Variants in KIAA1958 observed in about 807,000 individuals in gnomAD.
KIAA1958 encodes KIAA1958.
A neutral mutation model predicts 47.2 loss-of-function variants in KIAA1958; 14 were observed. The observed-to-expected ratio is 0.30, with a 90% confidence interval of 0.20 to 0.46. KIAA1958 has a LOEUF of 0.46. Ranked by LOEUF, KIAA1958 falls within the 20% of genes least tolerant of loss-of-function variation. The pLI, the probability that KIAA1958 is intolerant of heterozygous loss-of-function variation, is 1.00. For missense variants in KIAA1958, 803 were observed against 909.2 expected (o/e 0.88, Z 1.50); for synonymous variants, 354 against 353.3 (o/e 1.00, Z -0.02).
intron 3 of KIAA1958, among the ~76,000 whole-genome samples, chr9:112,648,687 G>C (rs1427498647): frequency 6.6e-6 from 1 of 152,136 alleles, no homozygotes; most frequent in Non-Finnish European, 1.5e-5. Context: ...AAAATGCTTT[G>C]ATCCAAAATG....
chr9:112,607,345 A>AG (rs1195737807), intron 2 of KIAA1958, among the ~76,000 whole-genome samples: 2 of 151,838 alleles, frequency 1.3e-5, no homozygotes, highest in Non-Finnish European at 2.9e-5. Flanking sequence ...AAAAGAAAAA[A>AG]GAAAAAAAAA....
intron 1 of KIAA1958, among the ~76,000 whole-genome samples, chr9:112,497,479 A>G (rs1307738342): frequency 6.6e-6 from 1 of 152,190 alleles, no homozygotes; most frequent in Non-Finnish European, 1.5e-5. Flanking sequence ...AAGCCTGCCA[A>G]CACTTTGATC....
At chr9:112,530,615 ATATTG>A (rs1389622411) in intron 1 of KIAA1958, among the ~76,000 whole-genome samples, 1 of 152,234 alleles carries the variant, frequency 6.6e-6, no homozygotes, top group Non-Finnish European at 1.5e-5. Flanking sequence ...CTCTGAATGA[ATATTG>A]TATTTATGAC....
At chr9:112,648,793 T>G (rs1837015725) in intron 3 of KIAA1958, among the ~76,000 whole-genome samples, 1 of 152,152 alleles carries the variant, frequency 6.6e-6, no homozygotes. Context: ...AATGTAAAAA[T>G]ATCTAGAACA....
chr9:112,598,996 C>T (rs926365506), intron 2 of KIAA1958, among the ~76,000 whole-genome samples: 4 of 152,074 alleles, frequency 2.6e-5, no homozygotes, highest in Non-Finnish European at 4.4e-5. Flanking sequence ...ACAGGAGGAT[C>T]GCTTGAGCCC....
intron 1 of KIAA1958, among the ~76,000 whole-genome samples, chr9:112,503,616 CAAAAA>C (rs762669967): frequency 9.4e-6 from 1 of 106,416 alleles, no homozygotes; most frequent in African/African-American, 3.6e-5. Context: ...GACCCTGTCT[CAAAAA>C]AAAAAAAAAA....
chr9:112,520,444 G>A (rs892087107), intron 1 of KIAA1958, among the ~76,000 whole-genome samples: 1 of 152,200 alleles, frequency 6.6e-6, no homozygotes, highest in Non-Finnish European at 1.5e-5. Flanking sequence ...TACTCCAAGT[G>A]AGTGACTATA....
At chr9:112,575,399 A>G (rs1835628554) in intron 2 of KIAA1958, 148 bp downstream of exon 2, 2 of 574,016 alleles carry the variant, frequency 3.5e-6, no homozygotes, top group Non-Finnish European at 3.0e-6. Flanking sequence ...TGTTACATCC[A>G]GGTGATACTA....
intron 2 of KIAA1958, among the ~76,000 whole-genome samples, chr9:112,594,766 G>A (rs555632707): frequency 3.9e-5 from 6 of 152,270 alleles, no homozygotes; most frequent in South Asian, 2.1e-4. Flanking sequence ...TTGATAGGTC[G>A]TATGCTAACG....
intron 2 of KIAA1958, among the ~76,000 whole-genome samples, chr9:112,609,850 C>G (rs758557307): frequency 6.6e-5 from 10 of 151,996 alleles, no homozygotes; most frequent in Non-Finnish European, 1.3e-4. Flanking sequence ...CCATGCCTGG[C>G]CAGAAAACCC....
chr9:112,595,193 G>C (rs1197969866), intron 2 of KIAA1958, among the ~76,000 whole-genome samples: 1 of 152,162 alleles, frequency 6.6e-6, no homozygotes, highest in Admixed American at 6.5e-5. Context: ...ACACATAACT[G>C]TGACAATAAT....
chr9:112,652,862 G>A (rs979239985), intron 3 of KIAA1958, among the ~76,000 whole-genome samples: 4 of 152,012 alleles, frequency 2.6e-5, no homozygotes, highest in East Asian at 1.9e-4. Flanking sequence ...CAAGCAATCC[G>A]CCCACCTTAG....
At chr9:112,540,801 G>A (rs961715312) in intron 1 of KIAA1958, among the ~76,000 whole-genome samples, 2 of 151,212 alleles carry the variant, frequency 1.3e-5, no homozygotes, top group South Asian at 2.1e-4. Flanking sequence ...CTGTAGCCTC[G>A]ACTTCCCGGG....
chr9:112,631,155 T>C (rs762736879), intron 2 of KIAA1958, among the ~76,000 whole-genome samples: 8 of 151,420 alleles, frequency 5.3e-5, no homozygotes, highest in Non-Finnish European at 2.9e-5. Flanking sequence ...GTTGGTGATA[T>C]ATCATCTCAA....
At chr9:112,589,080 C>A (rs937553293) in intron 2 of KIAA1958, among the ~76,000 whole-genome samples, 1 of 152,108 alleles carries the variant, frequency 6.6e-6, no homozygotes, top group Non-Finnish European at 1.5e-5. Context: ...GTGCCCAGCT[C>A]TCTAATATGA....
intron 3 of KIAA1958, among the ~76,000 whole-genome samples, chr9:112,658,496 A>G (rs1256190085): frequency 6.6e-6 from 1 of 152,214 alleles, no homozygotes; most frequent in African/African-American, 2.4e-5. Context: ...AAAGTTACAA[A>G]CAACCAATAA....
At chr9:112,605,986 C>T (rs1836227352) in intron 2 of KIAA1958, among the ~76,000 whole-genome samples, 1 of 152,192 alleles carries the variant, frequency 6.6e-6, no homozygotes, top group Non-Finnish European at 1.5e-5. Flanking sequence ...ATGGTAAATT[C>T]CACAAATGCA....
At chr9:112,640,536 G>C (rs1357728050) in intron 2 of KIAA1958, among the ~76,000 whole-genome samples, 1 of 152,086 alleles carries the variant, frequency 6.6e-6, no homozygotes, top group Non-Finnish European at 1.5e-5. Flanking sequence ...CTGGCTGCTT[G>C]GTAGCCCTGC....
intron 2 of KIAA1958, among the ~76,000 whole-genome samples, chr9:112,583,018 G>T (rs932216049): frequency 2.0e-5 from 3 of 152,196 alleles, no homozygotes; most frequent in Non-Finnish European, 4.4e-5. Flanking sequence ...TTTTGTATGC[G>T]CATTAGAGCT....
Sources: gnomAD v4.1 joint callset for allele counts (sites outside exome capture counted in the v4.1 genomes callset) on GRCh38, gnomAD v4.1.1 for gene constraint, MANE v1.5 for transcripts, NCBI Gene and HGNC (gene_info 2026-07-23, HGNC 2026-07-21) for gene names.